The following ESRRB variants were observed in gnomAD, a reference collection of about 807,000 sequenced individuals.
ESRRB encodes the protein estrogen related receptor beta, also known as steroid hormone receptor ERR2.
ESRRB carries 16 observed loss-of-function variants against 46.0 expected under a neutral mutation model. That is an observed-to-expected ratio of 0.35 (90% confidence interval 0.24 to 0.53). The LOEUF (loss-of-function observed/expected upper bound fraction) is 0.53, where lower values mean the gene tolerates loss of function less well. Among genes scored for constraint, ESRRB ranks in the 20% least tolerant of loss-of-function variants. The probability of loss-of-function intolerance (pLI) is 0.93; values close to 1 mark genes in which losing one functional copy is unlikely to be tolerated. For missense variants in ESRRB, 488 were observed against 607.4 expected (o/e 0.80, Z 2.07); for synonymous variants, 246 against 259.6 (o/e 0.95, Z 0.50).
At chr14:76,416,118 G>A (rs929848880) in intron 1 of ESRRB, among the ~76,000 whole-genome samples, 6 of 149,390 alleles carry the variant, frequency 4.0e-5, no homozygotes, top group African/African-American at 1.5e-4. Flanking sequence ...TAATTAGAGT[G>A]ATGTACCATT....
chr14:76,438,411 C>T (rs7159984), intron 1 of ESRRB, among the ~76,000 whole-genome samples: 63,240 of 151,982 alleles, frequency 0.42, 13,778 homozygotes, highest in East Asian at 0.55. Context: ...CCTGTAATCC[C>T]AACAGTTTGG....
At chr14:76,356,190 T>C (rs1884376757) in intron 1 of ESRRB, among the ~76,000 whole-genome samples, 1 of 152,228 alleles carries the variant, frequency 6.6e-6, no homozygotes, top group South Asian at 2.1e-4. Flanking sequence ...TCTGGGCATT[T>C]TCTGGGTTCA....
At chr14:76,451,696 G>T (rs1037235421) in intron 2 of ESRRB, among the ~76,000 whole-genome samples, 1 of 151,864 alleles carries the variant, frequency 6.6e-6, no homozygotes, top group Non-Finnish European at 1.5e-5. Flanking sequence ...GTGCAATCTC[G>T]GTTCACTGCA....
At position 76,423,435 on chromosome 14, in the gene ESRRB, C is replaced by T. The variant is rs1015895364; in HGVS notation, c.51-15906C>T. ...CTGAGATTACAGGCGTGAGCCACCG[C>T]GCCATCCTTTCATAGACTCTTTAAA... On this transcript the variant is annotated intron_variant, in intron 1 of 6. Transcript: ENST00000644823. 2.6e-5 allele frequency among the ~76,000 whole-genome samples: 4 copies of T among 152,294 alleles called. No individual in the cohort carries two copies. The East Asian group carries it at 7.7e-4, about 29-fold the overall frequency.
intron 1 of ESRRB, among the ~76,000 whole-genome samples, chr14:76,318,841 G>A (rs1245906207): frequency 1.3e-5 from 2 of 152,150 alleles, no homozygotes; most frequent in Non-Finnish European, 2.9e-5. Context: ...GAGTCCCCCG[G>A]ACAGCTTGCC....
chr14:76,331,286 T>C (rs188799658), intron 1 of ESRRB, among the ~76,000 whole-genome samples: 3 of 152,164 alleles, frequency 2.0e-5, no homozygotes, highest in Admixed American at 6.5e-5. Flanking sequence ...GTGGTAATGG[T>C]TGTGGCTCCA....
intron 5 of ESRRB, among the ~76,000 whole-genome samples, chr14:76,489,999 T>C (rs1381121020): frequency 1.3e-5 from 2 of 152,362 alleles, no homozygotes; most frequent in South Asian, 2.1e-4. Flanking sequence ...GCACTGTACA[T>C]GCATCTTCTC....
At chr14:76,332,866 AATATATTTTT>A (rs1884051579) in intron 1 of ESRRB, among the ~76,000 whole-genome samples, 13 of 10,700 alleles carry the variant, frequency 1.2e-3, no homozygotes, top group Admixed American at 2.0e-3. Context: ...ATTTATATAT[AATATATTTTT>A]TTATATATTA....
chr14:76,458,425 GACACACACACACACACACACAC>G (rs58562150), intron 2 of ESRRB, among the ~76,000 whole-genome samples: 2 of 134,858 alleles, frequency 1.5e-5, no homozygotes, highest in African/African-American at 5.3e-5. Context: ...CTCTCTCTCT[GACACACACACACACACACACAC>G]ACACACACAC....
At chr14:76,481,871 C>A in intron 3 of ESRRB, 145 bp from the exon 4 acceptor site, 1 of 753,744 alleles carries the variant, frequency 1.3e-6, no homozygotes, top group Non-Finnish European at 2.4e-6. Context: ...AGCCACCTGG[C>A]CTGAGGCTGG....
chr14:76,326,930 C>G (rs1249411107), intron 1 of ESRRB, among the ~76,000 whole-genome samples: 5 of 152,266 alleles, frequency 3.3e-5, no homozygotes, highest in Admixed American at 3.3e-4. Context: ...AGCAGCCACG[C>G]CTGGGCCCAG....
At chr14:76,352,822 G>T (rs1327569849) in intron 1 of ESRRB, among the ~76,000 whole-genome samples, 1 of 152,218 alleles carries the variant, frequency 6.6e-6, no homozygotes, top group Non-Finnish European at 1.5e-5. Flanking sequence ...GGCTTTCTGG[G>T]AACGCGGGCT....
At chr14:76,384,532 C>T (rs748057539) in intron 1 of ESRRB, among the ~76,000 whole-genome samples, 27 of 152,152 alleles carry the variant, frequency 1.8e-4, no homozygotes, top group Admixed American at 2.0e-4. Context: ...GAGGAGAATA[C>T]GGTGTTAACC....
chr14:76,433,363 G>T (rs1233915041), intron 1 of ESRRB, among the ~76,000 whole-genome samples: 1 of 152,182 alleles, frequency 6.6e-6, no homozygotes, highest in Admixed American at 6.5e-5. Context: ...GAGAAGTGGG[G>T]GCGGTGATGG....
intron 1 of ESRRB, among the ~76,000 whole-genome samples, chr14:76,431,067 G>A (rs1180594971): frequency 1.3e-5 from 2 of 152,202 alleles, no homozygotes; most frequent in African/African-American, 2.4e-5. Flanking sequence ...AGGCCGAGGA[G>A]GGCAAATTAC....
At chr14:76,438,334 C>A (rs2139930223) in intron 1 of ESRRB, among the ~76,000 whole-genome samples, 1 of 152,284 alleles carries the variant, frequency 6.6e-6, no homozygotes, top group East Asian at 1.9e-4. Context: ...TGTACTTAGT[C>A]TCTGGGCCAA....
chr14:76,453,555 T>C (rs985358225), intron 2 of ESRRB, among the ~76,000 whole-genome samples: 1 of 152,098 alleles, frequency 6.6e-6, no homozygotes, highest in East Asian at 1.9e-4. Context: ...CTTATGTATG[T>C]GTAAGAAGGC....
chr14:76,372,463 G>C (rs577488044), upstream of ESRRB, among the ~76,000 whole-genome samples: 1 of 152,034 alleles, frequency 6.6e-6, no homozygotes, highest in Admixed American at 6.5e-5. Context: ...TGTGTGGAGC[G>C]TGTTGTATTG....
In ESRRB at chr14:76,377,720, G is replaced by A. The variant is rs537700438; in HGVS notation, c.50+1269G>A. On this transcript the variant is annotated intron_variant, in intron 1 of 6. Coordinates refer to ENST00000644823, the MANE Select transcript of ESRRB (RefSeq NM_001379180.1). The stretch of plus-strand genomic sequence containing the variant: ...CTCTAAAATAAATACTCTGGATCAT[G>A]TGGGGTCCCAGGAAGTACCTAACCC... Among the ~76,000 whole-genome samples, 4 of 152,180 alleles carry A rather than the reference G, an allele frequency of 2.6e-5. No homozygotes were observed. In the South Asian group the frequency reaches 8.3e-4, roughly 32 times the overall value.
Sources: allele counts gnomAD v4.1 joint callset (sites outside exome capture counted in the v4.1 genomes callset), GRCh38; gene constraint gnomAD v4.1.1; transcripts MANE v1.5; gene names NCBI Gene and HGNC (gene_info 2026-07-23, HGNC 2026-07-21).